Variants in ZNF331 observed in about 807,000 individuals in gnomAD.
ZNF331 encodes C2H2-like zinc finger protein rearranged in thyroid adenomas.
A neutral mutation model predicts 7.0 loss-of-function variants in ZNF331; 2 were observed. The observed-to-expected ratio is 0.29, with a 90% CI of 0.12 to 0.90. The LOEUF (loss-of-function observed/expected upper bound fraction) is 0.90. Among genes scored for constraint, ZNF331 ranks in the 40% least tolerant of loss-of-function variants. ZNF331 has a pLI of 0.58. For missense variants in ZNF331, 432 were observed against 587.7 expected, an observed-to-expected ratio of 0.74 and a Z score of 2.74; for synonymous variants, 196 against 205.4, an observed-to-expected ratio of 0.95 and a Z score of 0.39.
At chr19:53,518,929 G>A (rs2086971759), upstream of ZNF331, among the ~76,000 whole-genome samples, 1 of 152,190 alleles carries the variant, frequency 6.6e-6, no homozygotes, top group South Asian at 2.1e-4. Flanking sequence ...AGTCCTCTGG[G>A]GAGGACAGAT....
intron 2 of ZNF331, among the ~76,000 whole-genome samples, chr19:53,527,414 C>A (rs1864461534): frequency 6.6e-6 from 1 of 152,038 alleles, no homozygotes. Context: ...TGTAGATGGA[C>A]TGAAGTTATT....
chr19:53,506,603 T>C, the ZNF331 span, among the ~76,000 whole-genome samples: 1 of 152,066 alleles, frequency 6.6e-6, no homozygotes, highest in African/African-American at 2.4e-5. Context: ...TAGTGTATTA[T>C]ACTTATTAGT....
chr19:53,536,523 G>T (rs1600242681), upstream of ZNF331, among the ~76,000 whole-genome samples: 2 of 152,174 alleles, frequency 1.3e-5, no homozygotes. Context: ...GTATTATTAG[G>T]AAATGTACTC....
At position 53,541,421 on chromosome 19, in the gene ZNF331, A is replaced by G. The variant is rs547453106; in HGVS notation, c.-138+2139A>G. ...GTGCCCGGCCTATATTTCTTCTTTT[A>G]TGTGTTTTTGTTTTGTTTTGTTTTG... is the stretch of plus-strand genomic sequence containing the variant. On this transcript the variant is annotated intron_variant, in intron 2 of 5. Coordinates refer to ENST00000449416, the MANE Select transcript of ZNF331 (RefSeq NM_001079906.2). 9.4e-4 allele frequency among the ~76,000 whole-genome samples: 142 copies of G among 151,240 alleles called. 1 individual carries two copies. Among genetic ancestry groups the G allele is most frequent in the Admixed American group, 2.2e-3 (33 of 15,194 alleles).
chr19:53,566,216 G>T, intron 3 of ZNF331, among the ~76,000 whole-genome samples: 1 of 152,120 alleles, frequency 6.6e-6, no homozygotes, highest in East Asian at 1.9e-4. Flanking sequence ...GGCTCATCCA[G>T]CATCACATTG....
chr19:53,557,589 C>T (rs2089516445), intron 3 of ZNF331, among the ~76,000 whole-genome samples: 1 of 152,156 alleles, frequency 6.6e-6, no homozygotes, highest in Admixed American at 6.5e-5. Context: ...TATTTAGGTA[C>T]AGTATTGTGC....
chr19:53,507,151 T>C, the ZNF331 span, among the ~76,000 whole-genome samples: 517 of 152,236 alleles, frequency 3.4e-3, 3 homozygotes, highest in East Asian at 0.025. Context: ...AAGTTGTAGA[T>C]GACAAAATGA....
upstream of ZNF331, among the ~76,000 whole-genome samples, chr19:53,519,305 G>A (rs912554011): frequency 6.6e-6 from 1 of 152,110 alleles, no homozygotes; most frequent in Non-Finnish European, 1.5e-5. Context: ...TCACACCCCA[G>A]TGTTTGTCTA....
At chr19:53,534,199 A>C (rs2087649989), upstream of ZNF331, among the ~76,000 whole-genome samples, 1 of 152,086 alleles carries the variant, frequency 6.6e-6, no homozygotes, top group South Asian at 2.1e-4. Context: ...CATGTTGAAG[A>C]CTGTGTTGCT....
chr19:53,566,212 T>A (rs2090147157), intron 3 of ZNF331, among the ~76,000 whole-genome samples: 2 of 152,074 alleles, frequency 1.3e-5, no homozygotes, highest in South Asian at 4.1e-4. Flanking sequence ...GCCTGGCTCA[T>A]CCAGCATCAC....
chr19:53,577,609 C>A lies in ZNF331; in HGVS notation c.1049C>A (p.Thr350Lys), dbSNP rs747963729. ...SSLVKHERIH[T>K]GEKPYKCTEC... Reference sequence around the variant, plus strand: ...CTCGTTAAGCACGAGAGGATACATACGGGCGAGAAGCCGTACAAGTGCACA... The same window carrying A: ...CTCGTTAAGCACGAGAGGATACATAAGGGCGAGAAGCCGTACAAGTGCACA... The change falls in exon 6 of 6, where the codon ACG becomes AAG. Residue 350 changes from threonine (T) to lysine (K), a missense_variant. Thr to Lys is a moderately conservative substitution (Grantham distance 78). Around this residue, in one of 3 missense-constraint regions of ZNF331, gnomAD observed 312 missense variants for 448.6 expected, o/e 0.70. Coordinates refer to ENST00000449416, the MANE Select transcript of ZNF331 (RefSeq NM_001079906.2). 8 of 1,613,534 alleles carry A rather than the reference C, an allele frequency of 5.0e-6. No individual in the cohort carries two copies. The highest frequency in any genetic ancestry group is 1.1e-5 in the South Asian group (1 of 91,038).
chr19:53,511,741 T>C, the ZNF331 span, among the ~76,000 whole-genome samples: 1 of 152,082 alleles, frequency 6.6e-6, no homozygotes, highest in African/African-American at 2.4e-5. Context: ...GATATAAATA[T>C]ATATATTTAT....
At chr19:53,556,004 G>A (rs1054389831) in intron 3 of ZNF331, 96 bp downstream of exon 3, 4 of 151,674 alleles carry the variant, frequency 2.6e-5, no homozygotes, top group African/African-American at 9.7e-5. Context: ...CAGCACTTTG[G>A]GAGGCCGAGG....
chr19:53,578,573 ACAGGAAAAAATGTAGT>A lies in ZNF331; in HGVS notation c.*622_*637del. The A allele has an allele frequency of 4.7e-6, 1 of 211,830 alleles. No homozygotes were observed. Among genetic ancestry groups the A allele is most frequent in the East Asian group, 7.2e-5 (1 of 13,826 alleles). 13.1% of individuals were successfully genotyped at this position (211,830 alleles called of 1,614,324 possible). ...TAAATTAAACTTTAGATATGTATGT[ACAGGAAAAAATGTAGT>A]ATATAGTATCGTATATATGTACAGG... is the stretch of plus-strand genomic sequence containing the variant. On this transcript the variant is annotated 3_prime_UTR_variant, in exon 6 of 6. Transcript: ENST00000449416.
At chr19:53,574,997 G>A (rs2090641124) in intron 5 of ZNF331, among the ~76,000 whole-genome samples, 1 of 144,260 alleles carries the variant, frequency 6.9e-6, no homozygotes, top group Non-Finnish European at 1.5e-5. Flanking sequence ...GAGTGCAGTA[G>A]TGCAGTCTGG....
chr19:53,566,680 C>T (rs1280045266), intron 3 of ZNF331, among the ~76,000 whole-genome samples: 1 of 152,146 alleles, frequency 6.6e-6, no homozygotes, highest in African/African-American at 2.4e-5. Context: ...CAGCGAGCCA[C>T]TCTTACACGT....
At chr19:53,503,384 C>G in the ZNF331 span, 1 of 476,148 alleles carries the variant, frequency 2.1e-6, no homozygotes, top group South Asian at 2.0e-5. Context: ...CCTGTGGGAA[C>G]TGACAGAATG....
chr19:53,506,808 C>T, the ZNF331 span, among the ~76,000 whole-genome samples: 1,096 of 152,176 alleles, frequency 7.2e-3, 15 homozygotes, highest in African/African-American at 0.025. Context: ...TCCCTATGTA[C>T]CAGAGGAAAT....
intron 4 of ZNF331, among the ~76,000 whole-genome samples, chr19:53,569,854 A>G (rs2090349764): frequency 6.6e-6 from 1 of 152,124 alleles, no homozygotes; most frequent in South Asian, 2.1e-4. Context: ...AGGACCTTTG[A>G]ACAGAGGTCA....
Sources: allele counts gnomAD v4.1 joint callset (sites outside exome capture counted in the v4.1 genomes callset), GRCh38; gene constraint gnomAD v4.1.1; regional missense constraint gnomAD v4.1.1; transcripts MANE v1.5; gene names NCBI Gene and HGNC (gene_info 2026-07-23, HGNC 2026-07-21).